The following PHACTR4 variants were observed in gnomAD, a reference collection of about 807,000 sequenced individuals.
PHACTR4 encodes the protein protein phosphatase 1, regulatory subunit 124.
A neutral mutation model predicts 72.7 loss-of-function variants in PHACTR4; 51 were observed. That is an observed-to-expected ratio of 0.70 (90% CI 0.56 to 0.89). The LOEUF (loss-of-function observed/expected upper bound fraction) is 0.89, where lower values mean the gene tolerates loss of function less well. Ranked by LOEUF, PHACTR4 falls within the 40% of genes least tolerant of loss-of-function variation. PHACTR4 has a pLI of 0.00. For missense variants in PHACTR4, 731 were observed against 861.8 expected (o/e 0.85, Z 1.90); for synonymous variants, 255 against 302.5 (o/e 0.84, Z 1.63).
chr1:28,396,845 C>CTTTTTTTTTTTTTTT (rs60578939), intron 1 of PHACTR4, among the ~76,000 whole-genome samples: 18 of 119,666 alleles, frequency 1.5e-4, no homozygotes, highest in Non-Finnish European at 1.8e-4. Context: ...TTCTTTCTTT[C>CTTTTTTTTTTTTTTT]TTTTTTTTTT....
At chr1:28,373,440 G>T (rs1651401531) in intron 1 of PHACTR4, among the ~76,000 whole-genome samples, 4 of 152,046 alleles carry the variant, frequency 2.6e-5, no homozygotes, top group Admixed American at 2.6e-4. Context: ...ACAGGCATGT[G>T]CCAACATGCC....
chr1:28,404,994 G>T (rs1018126178), intron 1 of PHACTR4, among the ~76,000 whole-genome samples: 1 of 151,878 alleles, frequency 6.6e-6, no homozygotes, highest in African/African-American at 2.4e-5. Context: ...CCCAACACTT[G>T]TTATTACCTC....
At chr1:28,465,922 G>C in intron 5 of PHACTR4, 73 bp downstream of exon 5, 2 of 1,426,360 alleles carry the variant, frequency 1.4e-6, no homozygotes, top group Non-Finnish European at 1.9e-6. Flanking sequence ...GTTTGCAAGA[G>C]AACAGGGAAA....
At chr1:28,437,185 A>T (rs1160301704) in intron 2 of PHACTR4, among the ~76,000 whole-genome samples, 1 of 152,184 alleles carries the variant, frequency 6.6e-6, no homozygotes, top group Admixed American at 6.6e-5. Context: ...AGAATACTAT[A>T]GACTGGGGGG....
At chr1:28,382,892 C>G (rs956588044) in intron 1 of PHACTR4, among the ~76,000 whole-genome samples, 7 of 152,076 alleles carry the variant, frequency 4.6e-5, no homozygotes, top group Admixed American at 4.6e-4. Context: ...CTCCTGGATT[C>G]AAGTGATTCT....
intron 2 of PHACTR4, among the ~76,000 whole-genome samples, chr1:28,455,172 A>AT (rs1553196948): frequency 6.3e-5 from 7 of 110,276 alleles, no homozygotes; most frequent in African/African-American, 2.8e-4. Context: ...ATCTGGCCTC[A>AT]TTTTTCTTTT....
intron 2 of PHACTR4, among the ~76,000 whole-genome samples, chr1:28,446,067 GTAT>G (rs1390062089): frequency 1.3e-4 from 20 of 152,256 alleles, no homozygotes; most frequent in Admixed American, 5.2e-4. Flanking sequence ...AGGCTTAGTA[GTAT>G]TTGGTTATCA....
chr1:28,450,971 C>G (rs1484894951), intron 2 of PHACTR4, among the ~76,000 whole-genome samples: 3 of 64,452 alleles, frequency 4.7e-5, no homozygotes, highest in Non-Finnish European at 9.8e-5. Flanking sequence ...CCACCACACC[C>G]AGCTTTTTTT....
chr1:28,423,264 C>T (rs553546599), intron 2 of PHACTR4, among the ~76,000 whole-genome samples: 1 of 152,124 alleles, frequency 6.6e-6, no homozygotes, highest in African/African-American at 2.4e-5. Context: ...ACAGAATTAG[C>T]CAGGTGTGGT....
At chr1:28,385,451 G>A (rs978916031) in intron 1 of PHACTR4, among the ~76,000 whole-genome samples, 70 of 150,890 alleles carry the variant, frequency 4.6e-4, no homozygotes, top group Non-Finnish European at 1.0e-4. Context: ...GGCCGAGACA[G>A]GAGAATTGCT....
chr1:28,416,389 T>C (rs1002371077), intron 2 of PHACTR4, among the ~76,000 whole-genome samples: 1 of 152,230 alleles, frequency 6.6e-6, no homozygotes, highest in African/African-American at 2.4e-5. Flanking sequence ...TATGTGTTTC[T>C]TCCAGTGGTT....
intron 2 of PHACTR4, among the ~76,000 whole-genome samples, chr1:28,440,330 T>A (rs1403442426): frequency 1.4e-5 from 2 of 143,630 alleles, no homozygotes; most frequent in Non-Finnish European, 3.0e-5. Flanking sequence ...AAAAAAAAGT[T>A]CATCTGAGTA....
At chr1:28,478,124 C>A (rs1352277739) in intron 8 of PHACTR4, among the ~76,000 whole-genome samples, 1 of 152,158 alleles carries the variant, frequency 6.6e-6, no homozygotes, top group Non-Finnish European at 1.5e-5. Context: ...TTTTTTAGCT[C>A]CCACGTAAGA....
chr1:28,412,969 A>T (rs1654879821), intron 2 of PHACTR4, among the ~76,000 whole-genome samples: 1 of 152,126 alleles, frequency 6.6e-6, no homozygotes, highest in African/African-American at 2.4e-5. Context: ...GGGCCACAGG[A>T]GGTGAGCAGT....
intron 2 of PHACTR4, chr1:28,453,856 TA>T: frequency 3.4e-6 from 3 of 878,616 alleles, no homozygotes; most frequent in Non-Finnish European, 3.7e-6. Flanking sequence ...GGACAAAGCA[TA>T]AAAGTTGCTA....
chr1:28,481,103 C>T (rs748394580), intron 9 of PHACTR4, among the ~76,000 whole-genome samples: 1 of 151,996 alleles, frequency 6.6e-6, no homozygotes, highest in Non-Finnish European at 1.5e-5. Context: ...TCAATCATGG[C>T]TCACCACCTC....
intron 1 of PHACTR4, among the ~76,000 whole-genome samples, chr1:28,399,357 G>A (rs1653775209): frequency 6.6e-6 from 1 of 152,112 alleles, no homozygotes; most frequent in African/African-American, 2.4e-5. Flanking sequence ...TGAAATTTCT[G>A]CTGTGTATAA....
chr1:28,428,147 G>A (rs1435995204), intron 2 of PHACTR4, among the ~76,000 whole-genome samples: 1 of 152,222 alleles, frequency 6.6e-6, no homozygotes, highest in East Asian at 1.9e-4. Context: ...TCACATGGTG[G>A]TTTAAAGTTC....
At position 28,427,264 on chromosome 1, in the gene PHACTR4, A is replaced by G. The variant is rs192653606; in HGVS notation, c.16+19801A>G. ...TATTTGGCCGGACGCAGTGGCTCAC[A>G]CCTGTAATCCCAGCACTTCGGGAGG... On this transcript the variant is annotated intron_variant, in intron 2 of 13. Transcript: ENST00000373839. Among the ~76,000 whole-genome samples, 307 of 152,242 alleles carry G rather than the reference A, an allele frequency of 2.0e-3. 1 individual carries two copies. Among genetic ancestry groups the G allele is most frequent in the Admixed American group, 3.4e-3 (52 of 15,280 alleles).
Sources: allele counts gnomAD v4.1 joint callset (sites outside exome capture counted in the v4.1 genomes callset), GRCh38; gene constraint gnomAD v4.1.1; transcripts MANE v1.5; gene names NCBI Gene and HGNC (gene_info 2026-07-23, HGNC 2026-07-21).